Variants in HTR3B observed in about 807,000 individuals in gnomAD.
HTR3B encodes the protein 5-hydroxytryptamine (serotonin) receptor 3B, ionotropic.
In HTR3B, 44 loss-of-function variants were observed where a neutral mutation model predicts 42.8. The ratio of observed to expected loss-of-function variants is 1.03; its 90% confidence interval spans 0.81 to 1.32. HTR3B has a LOEUF of 1.32. Among genes scored for constraint, HTR3B ranks in the 40% most tolerant of loss-of-function variants. The pLI is 0.00. For missense variants in HTR3B, 527 were observed against 536.5 expected (o/e 0.98, Z 0.17); for synonymous variants, 203 against 209.0 (o/e 0.97, Z 0.25).
chr11:113,947,464 G>GATTT lies in HTR3B; in HGVS notation c.*1332_*1335dup, dbSNP rs1373351773. On this transcript the variant is annotated 3_prime_UTR_variant, in exon 9 of 9. Transcript: ENST00000260191. The stretch of plus-strand genomic sequence containing the variant: ...CTACACACTAAGTTGCTTTAAGAGA[G>GATTT]ATTTATTTTCTCACCAGTCTGGAAG... 6.6e-6 allele frequency among the ~76,000 whole-genome samples: 1 copy of GATTT among 152,174 alleles called. No homozygotes were observed. Among genetic ancestry groups the GATTT allele is most frequent in the East Asian group, 1.9e-4 (1 of 5,200 alleles).
chr11:113,931,269 A>G (rs1260331018), intron 2 of HTR3B, 115 bp from the exon 3 acceptor site: 2 of 740,014 alleles, frequency 2.7e-6, no homozygotes, highest in Non-Finnish European at 4.7e-6. Flanking sequence ...TGTTTTTAAT[A>G]TCAGCATTAT....
intron 2 of HTR3B, 56 bp downstream of exon 2, chr11:113,909,511 A>ATGAACTGCAGACT: frequency 6.9e-7 from 1 of 1,440,856 alleles, no homozygotes; most frequent in Non-Finnish European, 9.6e-7. Flanking sequence ...AACAGTCTGC[A>ATGAACTGCAGACT]GTTCATGCAG....
chr11:113,945,171 G>A (rs548841194), intron 8 of HTR3B, among the ~76,000 whole-genome samples: 50 of 152,258 alleles, frequency 3.3e-4, no homozygotes, highest in African/African-American at 1.1e-3. Context: ...ATCTCGCTCT[G>A]TCGCCCAGGC....
intron 2 of HTR3B, 80 bp downstream of exon 2, chr11:113,909,535 G>A: frequency 8.5e-7 from 1 of 1,175,800 alleles, no homozygotes; most frequent in Non-Finnish European, 1.2e-6. Context: ...CCTATGAGAG[G>A]TTATATTCTT....
chr11:113,909,092 G>A (rs1294832857), intron 1 of HTR3B: 3 of 588,898 alleles, frequency 5.1e-6, no homozygotes, highest in African/African-American at 1.9e-5. Context: ...TTTACAATGA[G>A]GTTTCTCCAT....
At chr11:113,933,690 A>C (rs1433326375) in intron 6 of HTR3B, among the ~76,000 whole-genome samples, 2 of 152,128 alleles carry the variant, frequency 1.3e-5, no homozygotes, top group African/African-American at 4.8e-5. Context: ...TGCATTGTTC[A>C]TAGGGAAATT....
Position 113,942,968 on chromosome 11 carries a change from T to C in HTR3B, c.697-14T>C, listed in dbSNP as rs1950147630. 9 of 1,612,608 alleles carry C rather than the reference T, an allele frequency of 5.6e-6. No individual in the cohort carries two copies. The African/African-American group carries it at 9.3e-5, about 17-fold the overall frequency. On this transcript the variant is annotated splice_polypyrimidine_tract_variant and intron_variant, in intron 6 of 8. Transcript: ENST00000260191. ...CTAGATCCTCTTTTCATCAGACCAC[T>C]TGTTCCCGGCCAGGTGGTGATGCGC...
chr11:113,937,800 G>T (rs747302102), intron 6 of HTR3B, among the ~76,000 whole-genome samples: 4 of 152,194 alleles, frequency 2.6e-5, no homozygotes, highest in African/African-American at 4.8e-5. Flanking sequence ...TACTTGGCAG[G>T]TCGCGTGTAT....
At chr11:113,909,984 C>CAAAAAAAA (rs1178070726) in intron 2 of HTR3B, among the ~76,000 whole-genome samples, 1 of 39,006 alleles carries the variant, frequency 2.6e-5, no homozygotes, top group Non-Finnish European at 4.9e-5. Flanking sequence ...ACCTTGTCTC[C>CAAAAAAAA]AAAAAAAAAA....
At chr11:113,931,086 C>G (rs1363366087) in intron 2 of HTR3B, among the ~76,000 whole-genome samples, 1 of 152,076 alleles carries the variant, frequency 6.6e-6, no homozygotes, top group Non-Finnish European at 1.5e-5. Flanking sequence ...ATTTTTTAGT[C>G]TGATTAATGG....
In HTR3B at chr11:113,904,845, G is replaced by T. The variant is rs879002337; in HGVS notation, c.-89G>T. 1.8e-5 allele frequency: 18 copies of T among 1,004,264 alleles called. No homozygotes were observed. In the South Asian group the frequency reaches 2.3e-4, roughly 13 times the overall value. 62.2% of individuals were successfully genotyped at this position (1,004,264 alleles called of 1,614,324 possible). ...TGGCAAACGGAGAAGGAGGAGAACA[G>T]AGTGGAGAGGAACCCTGTTAGGAGA... On this transcript the variant is annotated 5_prime_UTR_variant, in exon 1 of 9. Transcript: ENST00000260191.
chr11:113,932,064 A>G (rs1950040447), intron 4 of HTR3B, among the ~76,000 whole-genome samples, 197 bp downstream of exon 4: 1 of 152,116 alleles, frequency 6.6e-6, no homozygotes, highest in Admixed American at 6.6e-5. Flanking sequence ...TGTTGAGGTT[A>G]CTCATTATGT....
At chr11:113,899,123 C>G in the HTR3B span, among the ~76,000 whole-genome samples, 1 of 152,136 alleles carries the variant, frequency 6.6e-6, no homozygotes, top group African/African-American at 2.4e-5. Context: ...ATATCTTATG[C>G]TCTATGACCT....
chr11:113,900,360 C>T (rs1481258384), upstream of HTR3B, among the ~76,000 whole-genome samples: 1 of 152,168 alleles, frequency 6.6e-6, no homozygotes, highest in Non-Finnish European at 1.5e-5. Context: ...TACCCCCACA[C>T]TCATCCTTCC....
At chr11:113,904,779 C>T, upstream of HTR3B, 1 of 634,450 alleles carries the variant, frequency 1.6e-6, no homozygotes, top group East Asian at 2.7e-5. Context: ...TTTGGTCCCA[C>T]TGAGTGTTTA....
rs754562900 is a variant in HTR3B, at chr11:113,946,187, G to A, written c.*50G>A. 6.9e-7 allele frequency: 1 copy of A among 1,443,210 alleles called. No homozygotes were observed. Among genetic ancestry groups the A allele is most frequent in the Non-Finnish European group, 9.7e-7 (1 of 1,030,734 alleles). The allele number at this position is 1,443,210 out of a possible 1,614,324, so 89.4% of individuals were successfully genotyped here. A position where few individuals can be genotyped will look rare whatever the true frequency, so the allele number is the denominator to read the frequency against. ...GTGCTGGCACTTAGGAGAGAGAGGA[G>A]GGGGAATAATAGTGGGTTAAAAAGC... On this transcript the variant is annotated 3_prime_UTR_variant, in exon 9 of 9. Transcript: ENST00000260191.
Position 113,941,080 on chromosome 11 carries a change from G to A in HTR3B, c.697-1902G>A, listed in dbSNP as rs7122055. 5.8e-3 allele frequency among the ~76,000 whole-genome samples: 886 copies of A among 152,284 alleles called. 7 individuals are homozygous for A. The highest frequency in any genetic ancestry group is 0.02 in the African/African-American group (844 of 41,570). ...GGCTATTACCTACCAAGTTTGCAGCGAGGATTAAATAAATCACACCATATG... is the reference window on the plus strand; with the variant it reads ...GGCTATTACCTACCAAGTTTGCAGCAAGGATTAAATAAATCACACCATATG... On this transcript the variant is annotated intron_variant, in intron 6 of 8. Coordinates refer to ENST00000260191, the MANE Select transcript of HTR3B (RefSeq NM_006028.5).
intron 6 of HTR3B, among the ~76,000 whole-genome samples, chr11:113,934,425 AGAAG>A (rs998797989): frequency 2.0e-5 from 3 of 151,826 alleles, no homozygotes; most frequent in African/African-American, 7.2e-5. Context: ...AAAGAAAGAA[AGAAG>A]GAAAGAAAGA....
In HTR3B at chr11:113,948,952, C is replaced by T. The variant is rs76213666; in HGVS notation, c.*2815C>T. On this transcript the variant is annotated 3_prime_UTR_variant, in exon 9 of 9. Coordinates refer to ENST00000260191, the MANE Select transcript of HTR3B (RefSeq NM_006028.5). ...AATGTTAATGGGTGCAGCACAGCAA[C>T]GTGGCACGTGTATACATATGTAACA... Among the ~76,000 whole-genome samples the T allele has an allele frequency of 0.068, 10,386 of 152,154 alleles. 442 individuals are homozygous for T. Among genetic ancestry groups the T allele is most frequent in the Middle Eastern group, 0.14 (40 of 294 alleles).
Sources: allele counts gnomAD v4.1 joint callset (sites outside exome capture counted in the v4.1 genomes callset), GRCh38; gene constraint gnomAD v4.1.1; transcripts MANE v1.5; gene names NCBI Gene and HGNC (gene_info 2026-07-23, HGNC 2026-07-21).